The following EVI5 variants were observed in gnomAD, a reference collection of about 807,000 sequenced individuals.
EVI5 encodes the protein ecotropic viral integration site 5 protein homolog.
In EVI5, 73 loss-of-function variants were observed where a neutral mutation model predicts 112.0. The observed-to-expected ratio is 0.65, with a 90% CI of 0.54 to 0.79. EVI5 has a LOEUF of 0.79. Ranked by LOEUF, EVI5 falls within the 30% of genes least tolerant of loss-of-function variation. EVI5 has a pLI of 0.00. For synonymous variants in EVI5, 305 were observed against 319.9 expected (o/e 0.95, Z 0.50); for missense variants, 900 against 968.8 (o/e 0.93, Z 0.94).
intron 18 of EVI5, among the ~76,000 whole-genome samples, chr1:92,565,509 G>A (rs1026122817): frequency 6.6e-6 from 1 of 152,246 alleles, no homozygotes; most frequent in East Asian, 1.9e-4. Flanking sequence ...ATGGGTTGCT[G>A]TGAAAAGCAT....
At chr1:92,759,598 C>G (rs1056345223) in intron 1 of EVI5, among the ~76,000 whole-genome samples, 1 of 152,190 alleles carries the variant, frequency 6.6e-6, no homozygotes, top group Non-Finnish European at 1.5e-5. Flanking sequence ...TCATCCCCAA[C>G]AGAAATACTA....
intron 18 of EVI5, among the ~76,000 whole-genome samples, chr1:92,578,619 G>A (rs1671455307): frequency 6.6e-6 from 1 of 151,852 alleles, no homozygotes; most frequent in Non-Finnish European, 1.5e-5. Context: ...TCGGGAGGCT[G>A]AGGCAGGAGA....
Position 92,625,808 on chromosome 1 carries a change from C to T in EVI5, c.1654G>A (p.Glu552Lys), listed in dbSNP as rs1454761220. 1 of 1,612,826 alleles carries T rather than the reference C, an allele frequency of 6.2e-7. No individual in the cohort carries two copies. The highest frequency in any genetic ancestry group is 8.5e-7 in the Non-Finnish European group (1 of 1,179,436). ...KELRQQVKDL[E>K]EHWQRHLART... is the part of the protein sequence containing the mutation. ...TATTAATATACCTGCCAGTGTTCCT[C>T]TAAATCCTTGACTTGCTGTCTAAGT... The change falls in exon 15 of 20, where the codon GAG (glutamate) becomes AAG (lysine). Residue 552 changes from glutamate (E) to lysine (K), a missense_variant. Glu to Lys is a moderately conservative substitution (Grantham distance 56). Transcript: ENST00000684568.
At chr1:92,631,270 C>A (rs560717691) in intron 14 of EVI5, among the ~76,000 whole-genome samples, 2 of 152,246 alleles carry the variant, frequency 1.3e-5, no homozygotes, top group East Asian at 3.9e-4. Flanking sequence ...TTACCTTGGG[C>A]AGTATGGCCA....
At chr1:92,574,483 A>G (rs2101020332) in intron 18 of EVI5, among the ~76,000 whole-genome samples, 1 of 152,254 alleles carries the variant, frequency 6.6e-6, no homozygotes, top group South Asian at 2.1e-4. Context: ...TCTAAGTAGC[A>G]TGGTTTTAAC....
intron 19 of EVI5, among the ~76,000 whole-genome samples, chr1:92,521,205 A>C (rs1229252326): frequency 2.0e-5 from 3 of 151,978 alleles, no homozygotes. Context: ...CATGCAGTCC[A>C]CCCACCTTTG....
intron 13 of EVI5, among the ~76,000 whole-genome samples, chr1:92,637,303 G>A (rs1269893397): frequency 1.3e-5 from 2 of 151,848 alleles, no homozygotes; most frequent in African/African-American, 4.8e-5. Context: ...GCTTGAGCCC[G>A]GGAGGTGGAG....
intron 2 of EVI5, among the ~76,000 whole-genome samples, chr1:92,715,517 T>C (rs1265351640): frequency 3.3e-5 from 5 of 152,104 alleles, no homozygotes; most frequent in Non-Finnish European, 1.5e-5. Context: ...TAGGAACAGC[T>C]CTGGTCTGCA....
intron 18 of EVI5, among the ~76,000 whole-genome samples, chr1:92,567,221 TAA>T (rs1456049626): frequency 6.6e-6 from 1 of 152,128 alleles, no homozygotes; most frequent in Non-Finnish European, 1.5e-5. Flanking sequence ...ATATTTAAAC[TAA>T]GTGTTATTAT....
At chr1:92,657,165 T>A (rs1663148048) in intron 13 of EVI5, among the ~76,000 whole-genome samples, 1 of 152,014 alleles carries the variant, frequency 6.6e-6, no homozygotes, top group South Asian at 2.1e-4. Context: ...CAGCACATCA[T>A]AAAGATAATA....
intron 19 of EVI5, among the ~76,000 whole-genome samples, chr1:92,541,657 T>A (rs2101962358): frequency 6.6e-6 from 1 of 152,254 alleles, no homozygotes; most frequent in African/African-American, 2.4e-5. Context: ...TGGAAACTTG[T>A]AAATGAATGC....
Position 92,510,982 on chromosome 1 carries a change from T to C in EVI5, c.*2674A>G, listed in dbSNP as rs1659151236. ...CTTGGACATTGATAGCTTTCTGGGC[T>C]GATAGTATAGAACTCCGAACAAAAA... On this transcript the variant is annotated 3_prime_UTR_variant, in exon 20 of 20. Coordinates refer to ENST00000684568, the MANE Select transcript of EVI5 (RefSeq NM_001350197.2). 6.6e-6 allele frequency: 1 copy of C among 152,214 alleles called. No homozygotes were observed. Among genetic ancestry groups the C allele is most frequent in the Admixed American group, 6.5e-5 (1 of 15,280 alleles). 9.4% of individuals were successfully genotyped at this position (152,214 alleles called of 1,614,324 possible).
At chr1:92,765,514 A>G (rs1570850259) in intron 1 of EVI5, among the ~76,000 whole-genome samples, 1 of 150,472 alleles carries the variant, frequency 6.6e-6, no homozygotes, top group African/African-American at 2.4e-5. Flanking sequence ...ATCAAGACAC[A>G]TATTTTTCTG....
At chr1:92,581,244 TAA>T (rs1671886403) in intron 18 of EVI5, among the ~76,000 whole-genome samples, 1 of 152,214 alleles carries the variant, frequency 6.6e-6, no homozygotes, top group Non-Finnish European at 1.5e-5. Flanking sequence ...AAAACCTAGC[TAA>T]ACAAGGGCTC....
intron 14 of EVI5, among the ~76,000 whole-genome samples, chr1:92,626,355 G>A (rs926638935): frequency 1.6e-4 from 25 of 152,022 alleles, no homozygotes; most frequent in African/African-American, 5.8e-4. Context: ...ATGTTTTCAA[G>A]GTTCAATCTT....
At chr1:92,672,047 C>T (rs1299813128) in intron 10 of EVI5, among the ~76,000 whole-genome samples, 1 of 151,982 alleles carries the variant, frequency 6.6e-6, no homozygotes, top group Non-Finnish European at 1.5e-5. Context: ...TCAAGGAATC[C>T]GCCCACCTTG....
At chr1:92,609,275 CTTT>C (rs1651184603) in intron 16 of EVI5, among the ~76,000 whole-genome samples, 1 of 152,162 alleles carries the variant, frequency 6.6e-6, no homozygotes, top group East Asian at 1.9e-4. Flanking sequence ...TACTACTTGC[CTTT>C]TGAGACTATG....
At chr1:92,686,132 G>A (rs1668496286) in intron 9 of EVI5, among the ~76,000 whole-genome samples, 2 of 152,166 alleles carry the variant, frequency 1.3e-5, no homozygotes, top group Admixed American at 1.3e-4. Flanking sequence ...GATGAACACT[G>A]ATGTGAAAAT....
At chr1:92,597,371 T>C (rs1238910438) in intron 18 of EVI5, among the ~76,000 whole-genome samples, 1 of 152,210 alleles carries the variant, frequency 6.6e-6, no homozygotes, top group African/African-American at 2.4e-5. Context: ...ATTCTGATAA[T>C]AGTTGGCATC....
Sources: gnomAD v4.1 joint callset for allele counts (sites outside exome capture counted in the v4.1 genomes callset) on GRCh38, gnomAD v4.1.1 for gene constraint, MANE v1.5 for transcripts, NCBI Gene and HGNC (gene_info 2026-07-23, HGNC 2026-07-21) for gene names.